SEPSECS: variants seen among roughly 807,000 people sequenced by gnomAD.
SEPSECS encodes O-phosphoseryl-tRNA(Sec) selenium transferase.
In SEPSECS, 42 loss-of-function variants were observed where a neutral mutation model predicts 52.1. The ratio of observed to expected loss-of-function variants is 0.81; its 90% CI spans 0.63 to 1.04. The LOEUF (loss-of-function observed/expected upper bound fraction) is 1.04. SEPSECS is among the 50% of genes least tolerant of loss of function. The pLI, the probability that SEPSECS is intolerant of heterozygous loss-of-function variation, is 0.00. For missense variants in SEPSECS, 590 were observed against 610.6 expected, an observed-to-expected ratio of 0.97 and a Z score of 0.36; for synonymous variants, 216 against 211.4, an observed-to-expected ratio of 1.02 and a Z score of -0.19.
chr4:25,135,070 G>A (rs897898381), intron 8 of SEPSECS, among the ~76,000 whole-genome samples: 6 of 152,076 alleles, frequency 3.9e-5, no homozygotes, highest in Admixed American at 6.5e-5. Flanking sequence ...AGTGTTAAAA[G>A]GGAAATTTAT....
At chr4:25,159,771 CA>C (rs1253720749) in intron 1 of SEPSECS, 3 of 1,081,198 alleles carry the variant, frequency 2.8e-6, no homozygotes, top group Non-Finnish European at 2.3e-6. Context: ...GACTCTGTTT[CA>C]AAAAAACAAA....
chr4:25,123,957 C>T lies in SEPSECS; in HGVS notation c.1480G>A (p.Asp494Asn), dbSNP rs574446965. The change falls in exon 11 of 11, where the codon GAC becomes AAC. Residue 494 changes from aspartate (D) to asparagine (N), a missense_variant. Physicochemically the swap from Asp to Asn is conservative, Grantham distance 23. Coordinates refer to ENST00000382103, the MANE Select transcript of SEPSECS (RefSeq NM_016955.4). Reference protein sequence around the residue: ...MALKLDNVLLDTYQDASS With the variant: ...MALKLDNVLLNTYQDASS ...CATGAAGAAGCATCCTGGTATGTGTCAAGAAGTACATTATCTAGTTTTAAA... is the reference window on the plus strand; with the variant it reads ...CATGAAGAAGCATCCTGGTATGTGTTAAGAAGTACATTATCTAGTTTTAAA... The T allele has an allele frequency of 1.2e-6, 2 of 1,613,420 alleles. No individual in the cohort carries two copies. Among genetic ancestry groups the T allele is most frequent in the African/African-American group, 1.3e-5 (1 of 74,900 alleles).
In SEPSECS at chr4:25,156,071, G is replaced by A. The variant is rs1269140000; in HGVS notation, c.513C>T (p.Asp171=). ...KAKYIIWPRI[D]QKSCFKSMIT... Reference sequence around the variant, plus strand: ...TCATGGATTTAAAGCAGGACTTCTGGTCTATTCGTGGCCATATAATATACT... The same window carrying A: ...TCATGGATTTAAAGCAGGACTTCTGATCTATTCGTGGCCATATAATATACT... The change falls in exon 4 of 11, where the codon GAC becomes GAT. Residue 171 remains aspartate (D), a synonymous_variant. Transcript: ENST00000382103. 2 of 1,613,712 alleles carry A rather than the reference G, an allele frequency of 1.2e-6. No homozygotes were observed. Among genetic ancestry groups the A allele is most frequent in the Non-Finnish European group, 1.7e-6 (2 of 1,179,886 alleles).
intron 8 of SEPSECS, among the ~76,000 whole-genome samples, chr4:25,137,092 AC>A (rs1314792395): frequency 6.6e-6 from 1 of 152,078 alleles, no homozygotes; most frequent in African/African-American, 2.4e-5. Context: ...TTAAATGTAA[AC>A]CCCCAAATTA....
chr4:25,154,939 G>C, intron 5 of SEPSECS, 59 bp downstream of exon 5: 3 of 1,501,276 alleles, frequency 2.0e-6, no homozygotes, highest in Non-Finnish European at 2.8e-6. Flanking sequence ...TTGAGAATTA[G>C]TATATTTTAT....
At chr4:25,145,292 T>A (rs1239467502) in intron 6 of SEPSECS, among the ~76,000 whole-genome samples, 159 bp from the exon 7 acceptor site, 2 of 152,180 alleles carry the variant, frequency 1.3e-5, no homozygotes, top group Non-Finnish European at 2.9e-5. Context: ...AACATCAAAT[T>A]GTACACTGTA....
At chr4:25,143,966 T>A (rs973974181) in intron 8 of SEPSECS, among the ~76,000 whole-genome samples, 6 of 152,142 alleles carry the variant, frequency 3.9e-5, no homozygotes, top group Non-Finnish European at 7.3e-5. Flanking sequence ...GCTAGTTGTG[T>A]TGGAGATAAA....
chr4:25,125,510 T>C (rs1244341054), intron 10 of SEPSECS, 184 bp downstream of exon 10: 4 of 613,458 alleles, frequency 6.5e-6, no homozygotes, highest in African/African-American at 1.8e-5. Context: ...ATTTCAGGCA[T>C]AAGCAGTCCA....
intron 5 of SEPSECS, among the ~76,000 whole-genome samples, chr4:25,153,807 G>GA (rs1315636139): frequency 6.6e-6 from 1 of 151,986 alleles, no homozygotes; most frequent in East Asian, 1.9e-4. Flanking sequence ...TGACAAATGA[G>GA]AATTTTTCTG....
chr4:25,159,325 G>A (rs1403626602), intron 1 of SEPSECS, among the ~76,000 whole-genome samples: 1 of 152,140 alleles, frequency 6.6e-6, no homozygotes, highest in African/African-American at 2.4e-5. Context: ...GATGATAAAT[G>A]CATACAATGA....
intron 8 of SEPSECS, among the ~76,000 whole-genome samples, chr4:25,130,070 T>C (rs1012761115): frequency 1.3e-5 from 2 of 152,202 alleles, no homozygotes; most frequent in African/African-American, 4.8e-5. Flanking sequence ...CCCTACCTCC[T>C]ACAAACCGCC....
At position 25,144,858 on chromosome 4, in the gene SEPSECS, A is replaced by C; in HGVS notation, c.942T>G (p.Ala314=). 1 of 1,612,336 alleles carries C rather than the reference A, an allele frequency of 6.2e-7. No individual in the cohort carries two copies. Among genetic ancestry groups the C allele is most frequent in the South Asian group, 1.1e-5 (1 of 91,026 alleles). Residue 314 remains alanine, a synonymous_variant, in exon 8 of 11, where the codon GCT becomes GCG. Coordinates refer to ENST00000382103, the MANE Select transcript of SEPSECS (RefSeq NM_016955.4). ...QEISKMYPGR[A]SASPSLDVLI... ...GGACATCTAAAGAAGGTGAAGCTGA[A>C]GCTCTTCCTGAAATAAGAAGGATAA...
intron 8 of SEPSECS, among the ~76,000 whole-genome samples, chr4:25,139,727 G>C (rs139758145): frequency 9.2e-5 from 14 of 152,242 alleles, no homozygotes; most frequent in African/African-American, 3.4e-4. Flanking sequence ...AACAGGAGAA[G>C]TGTGAATAAA....
chr4:25,125,856 T>C (rs1728342300), intron 9 of SEPSECS, 72 bp from the exon 10 acceptor site: 2 of 904,840 alleles, frequency 2.2e-6, no homozygotes, highest in African/African-American at 1.6e-5. Context: ...ATAACAATAA[T>C]AATGATGAAG....
At chr4:25,141,685 G>T (rs904594686) in intron 8 of SEPSECS, among the ~76,000 whole-genome samples, 1 of 152,162 alleles carries the variant, frequency 6.6e-6, no homozygotes, top group Admixed American at 6.6e-5. Flanking sequence ...TTCAAAGCCT[G>T]TCAGATCATT....
intron 8 of SEPSECS, among the ~76,000 whole-genome samples, chr4:25,135,908 T>C (rs1728823012): frequency 6.6e-6 from 1 of 151,944 alleles, no homozygotes; most frequent in Admixed American, 6.6e-5. Context: ...CACACGCAAA[T>C]CAATAAATGT....
chr4:25,156,281 A>T, intron 3 of SEPSECS, 86 bp from the exon 4 acceptor site: 1 of 1,253,028 alleles, frequency 8.0e-7, no homozygotes, highest in South Asian at 1.2e-5. Context: ...TCATATATAA[A>T]ATAGTAAGAG....
intron 6 of SEPSECS, among the ~76,000 whole-genome samples, chr4:25,147,019 C>T (rs990723707): frequency 1.4e-4 from 22 of 152,344 alleles, no homozygotes; most frequent in African/African-American, 5.3e-4. Context: ...AGCTCTACAA[C>T]CACTGTTCAC....
rs1457166754 is a variant in SEPSECS at position 25,123,728 on chromosome 4, G to A, written c.*203C>T. 1 of 585,458 alleles carries A rather than the reference G, an allele frequency of 1.7e-6. No homozygotes were observed. Among genetic ancestry groups the A allele is most frequent in the East Asian group, 2.8e-5 (1 of 35,472 alleles). The allele number at this position is 585,458 out of a possible 1,614,324, so 36.3% of individuals were successfully genotyped here. A position where few individuals can be genotyped will look rare whatever the true frequency, so the allele number is the denominator to read the frequency against. On this transcript the variant is annotated 3_prime_UTR_variant, in exon 11 of 11. Coordinates refer to ENST00000382103, the MANE Select transcript of SEPSECS (RefSeq NM_016955.4). ...AAATGCTAATTGTATATTATAACCT[G>A]TTAAGGATCACAAGGATTGATGCAG... is the stretch of plus-strand genomic sequence containing the variant.
Sources: allele counts gnomAD v4.1 joint callset (sites outside exome capture counted in the v4.1 genomes callset), GRCh38; gene constraint gnomAD v4.1.1; transcripts MANE v1.5; gene names NCBI Gene and HGNC (gene_info 2026-07-23, HGNC 2026-07-21).